ZCRB1: variants seen among roughly 807,000 people sequenced by gnomAD.
The protein encoded by ZCRB1 is zinc finger CCHC-type and RNA binding motif containing 1.
Under a neutral mutation model 29.9 loss-of-function variants are expected in ZCRB1, and 21 were observed. That is an observed-to-expected ratio of 0.70 (90% CI 0.50 to 1.01). The LOEUF is 1.01. ZCRB1 is among the 50% of genes least tolerant of loss of function. The probability of loss-of-function intolerance (pLI) is 0.00; values close to 1 mark genes in which losing one functional copy is unlikely to be tolerated. For synonymous variants in ZCRB1, 77 were observed against 80.0 expected (o/e 0.96, Z 0.20); for missense variants, 204 against 253.3 (o/e 0.81, Z 1.32).
At chr12:42,314,643 T>C (rs1309643235) in intron 5 of ZCRB1, among the ~76,000 whole-genome samples, 4 of 151,970 alleles carry the variant, frequency 2.6e-5, no homozygotes, top group Admixed American at 1.3e-4. Context: ...TCTTAAGTTA[T>C]TGATAAAACG....
At chr12:42,324,650 TCAC>T (rs1423997161) in intron 1 of ZCRB1, among the ~76,000 whole-genome samples, 1 of 152,238 alleles carries the variant, frequency 6.6e-6, no homozygotes, top group Non-Finnish European at 1.5e-5. Flanking sequence ...TTTTTCCCAG[TCAC>T]CACTTAAAAA....
At chr12:42,325,132 A>G (rs1467586037) in intron 1 of ZCRB1, among the ~76,000 whole-genome samples, 1 of 152,240 alleles carries the variant, frequency 6.6e-6, no homozygotes, top group Non-Finnish European at 1.5e-5. Context: ...GAAAACGTAC[A>G]CTAAAAATAT....
chr12:42,317,081 T>C (rs1395082689), intron 5 of ZCRB1, among the ~76,000 whole-genome samples: 1 of 152,120 alleles, frequency 6.6e-6, no homozygotes, highest in African/African-American at 2.4e-5. Context: ...TGATGGTGCA[T>C]GCCTGTGGTC....
In ZCRB1 at chr12:42,317,255, G is replaced by C. The variant is rs1414421341; in HGVS notation, c.333+85C>G. On this transcript the variant is annotated intron_variant, in intron 5 of 7. Transcript: ENST00000266529. Reference sequence around the variant, plus strand: ...TTTCATAATCTGGTTTAGCCAGTCAGAAGTTTTGGTGAGCAAAAATAAAAG... The same window carrying C: ...TTTCATAATCTGGTTTAGCCAGTCACAAGTTTTGGTGAGCAAAAATAAAAG... 4.4e-6 allele frequency: 4 copies of C among 899,994 alleles called. No homozygotes were observed. In the East Asian group the frequency reaches 8.1e-5, roughly 18 times the overall value. The allele number at this position is 899,994 out of a possible 1,614,324, so 55.8% of individuals were successfully genotyped here.
chr12:42,323,784 A>C, intron 2 of ZCRB1: 1 of 515,098 alleles, frequency 1.9e-6, no homozygotes, highest in Admixed American at 3.3e-5. Flanking sequence ...ATGGTGGCAC[A>C]CACCTGTATT....
intron 5 of ZCRB1, among the ~76,000 whole-genome samples, chr12:42,314,398 A>T (rs1480394949): frequency 7.7e-4 from 3 of 3,902 alleles, no homozygotes; most frequent in South Asian, 0.014. Context: ...CGTCTCTACT[A>T]AAAAAAAAAA....
intron 5 of ZCRB1, among the ~76,000 whole-genome samples, chr12:42,316,226 C>T (rs1298145614): frequency 6.6e-6 from 1 of 152,066 alleles, no homozygotes; most frequent in African/African-American, 2.4e-5. Flanking sequence ...TTCCAAGTAG[C>T]TGGGATTACA....
At chr12:42,324,217 C>A (rs3747559) in intron 1 of ZCRB1, 113 bp from the exon 2 acceptor site, 75,934 of 847,864 alleles carry the variant, frequency 0.09, 4,020 homozygotes, top group African/African-American at 0.2. Flanking sequence ...GGCGTGATCT[C>A]GGCTCACTGC....
chr12:42,325,077 T>C (rs1277328038), intron 1 of ZCRB1, among the ~76,000 whole-genome samples: 2 of 152,220 alleles, frequency 1.3e-5, no homozygotes, highest in Non-Finnish European at 2.9e-5. Context: ...GTGAATAATG[T>C]AGACAGTTGA....
At chr12:42,315,470 AAT>A (rs1410183844) in intron 5 of ZCRB1, among the ~76,000 whole-genome samples, 1 of 152,352 alleles carries the variant, frequency 6.6e-6, no homozygotes, top group East Asian at 1.9e-4. Context: ...CTGCTGAGAA[AAT>A]AGAGACACAT....
At chr12:42,320,029 T>C (rs1327411916) in intron 3 of ZCRB1, among the ~76,000 whole-genome samples, 1 of 151,892 alleles carries the variant, frequency 6.6e-6, no homozygotes, top group Non-Finnish European at 1.5e-5. Context: ...ATACCTTCTG[T>C]GGTAACAGAA....
At chr12:42,320,067 G>A (rs912019181) in intron 3 of ZCRB1, among the ~76,000 whole-genome samples, 6 of 152,200 alleles carry the variant, frequency 3.9e-5, no homozygotes, top group African/African-American at 1.2e-4. Context: ...AGATTTAAAA[G>A]GACAAATCTA....
At chr12:42,317,310 A>G (rs748987686) in intron 5 of ZCRB1, 30 bp downstream of exon 5, 1 of 1,506,330 alleles carries the variant, frequency 6.6e-7, no homozygotes. Context: ...TAAACTATGG[A>G]AAGTTCCATT....
rs768979729 is a variant in ZCRB1, at chr12:42,322,435, C to T, written c.96G>A (p.Lys32=). Residue 32 remains lysine (K), a synonymous_variant, in exon 3 of 8, where the codon AAG becomes AAA. Coordinates refer to ENST00000266529, the MANE Select transcript of ZCRB1 (RefSeq NM_033114.4). ...TNNDLYRIFS[K]YGKVVKVTIM... is the part of the protein sequence containing the mutation. The stretch of plus-strand genomic sequence containing the variant: ...ATACTTACTTTACAACTTTGCCATA[C>T]TTGGAAAATATCTGAAACAAAAGAC... The T allele has an allele frequency of 3.3e-5, 49 of 1,487,286 alleles. No individual in the cohort carries two copies. The highest frequency in any genetic ancestry group is 3.6e-4 in the Middle Eastern group (2 of 5,626). The allele number at this position is 1,487,286 out of a possible 1,614,324, so 92.1% of individuals were successfully genotyped here. A position where few individuals can be genotyped will look rare whatever the true frequency, so the allele number is the denominator to read the frequency against.
At chr12:42,321,487 T>C (rs2068620974) in intron 3 of ZCRB1, among the ~76,000 whole-genome samples, 1 of 152,208 alleles carries the variant, frequency 6.6e-6, no homozygotes, top group South Asian at 2.1e-4. Context: ...ATGCCTGGCA[T>C]ATATATGTGC....
At chr12:42,322,809 CA>C (rs2068628383) in intron 2 of ZCRB1, among the ~76,000 whole-genome samples, 1 of 152,206 alleles carries the variant, frequency 6.6e-6, no homozygotes, top group Admixed American at 6.5e-5. Context: ...CTTCAAATGT[CA>C]ATCTTATGGA....
intron 7 of ZCRB1, 50 bp downstream of exon 7, chr12:42,313,640 T>G (rs1274654792): frequency 6.3e-7 from 1 of 1,592,616 alleles, no homozygotes; most frequent in Admixed American, 1.7e-5. Context: ...GCAAGCACTA[T>G]AAACCAAGTC....
Position 42,317,333 on chromosome 12 carries a change from T to C in ZCRB1, c.333+7A>G, listed in dbSNP as rs768093683. On this transcript the variant is annotated splice_region_variant and intron_variant, in intron 5 of 7. Transcript: ENST00000266529. ...GGAAAGTTCCATTAAGTTTTAGGTT[T>C]ACTTACCCCACATTCATAACACTTA... is the stretch of plus-strand genomic sequence containing the variant. 1 of 1,590,164 alleles carries C rather than the reference T, an allele frequency of 6.3e-7. No homozygotes were observed. Among genetic ancestry groups the C allele is most frequent in the South Asian group, 1.2e-5 (1 of 86,816 alleles).
chr12:42,317,599 T>G (rs1465915969), intron 4 of ZCRB1, 152 bp from the exon 5 acceptor site: 3 of 825,186 alleles, frequency 3.6e-6, no homozygotes, highest in Non-Finnish European at 3.7e-6. Context: ...TGTAGTATTC[T>G]TATTCCTGAG....
Sources: gnomAD v4.1 joint callset for allele counts (sites outside exome capture counted in the v4.1 genomes callset) on GRCh38, gnomAD v4.1.1 for gene constraint, MANE v1.5 for transcripts, NCBI Gene and HGNC (gene_info 2026-07-23, HGNC 2026-07-21) for gene names.